Variants in NUDCD3 observed in about 807,000 individuals in gnomAD.
NUDCD3 encodes the protein nudC domain-containing protein 3.
NUDCD3 carries 13 observed loss-of-function variants against 39.7 expected under a neutral mutation model. The ratio of observed to expected loss-of-function variants is 0.33; its 90% CI spans 0.21 to 0.52. The LOEUF is 0.52. Among genes scored for constraint, NUDCD3 ranks in the 20% least tolerant of loss-of-function variants. NUDCD3 has a pLI of 0.96. For synonymous variants in NUDCD3, 175 were observed against 172.4 expected, an observed-to-expected ratio of 1.02 and a Z score of -0.12; for missense variants, 453 against 458.1, an observed-to-expected ratio of 0.99 and a Z score of 0.10.
chr7:44,476,389 T>C (rs1374495572), intron 2 of NUDCD3, among the ~76,000 whole-genome samples: 3 of 152,180 alleles, frequency 2.0e-5, no homozygotes, highest in Admixed American at 1.3e-4. Context: ...GTGGGGCCTT[T>C]GGGAGACGAT....
At chr7:44,424,665 T>C (rs913530671) in intron 3 of NUDCD3, among the ~76,000 whole-genome samples, 1 of 152,148 alleles carries the variant, frequency 6.6e-6, no homozygotes, top group African/African-American at 2.4e-5. Context: ...TGTGGAGAAA[T>C]AGGAACACTT....
At chr7:44,420,358 C>T (rs1184888210) in intron 3 of NUDCD3, among the ~76,000 whole-genome samples, 1 of 152,088 alleles carries the variant, frequency 6.6e-6, no homozygotes, top group African/African-American at 2.4e-5. Context: ...TGTGAAAAGA[C>T]CAAACCTACG....
At chr7:44,462,288 G>C (rs927134479) in intron 2 of NUDCD3, among the ~76,000 whole-genome samples, 6 of 152,194 alleles carry the variant, frequency 3.9e-5, no homozygotes, top group African/African-American at 1.4e-4. Flanking sequence ...AACATTTCAT[G>C]AATTGCTATG....
At position 44,384,617 on chromosome 7, in the gene NUDCD3, A is replaced by T. The variant is rs991669084; in HGVS notation, c.*1394T>A. The T allele has an allele frequency of 2.0e-5, 3 of 152,202 alleles. No individual in the cohort carries two copies. The highest frequency in any genetic ancestry group is 6.5e-5 in the Admixed American group (1 of 15,286). 9.4% of individuals were successfully genotyped at this position (152,202 alleles called of 1,614,324 possible). ...CCCCACAACCCAAGTATCCATAGAG[A>T]GTGTGCAGGAGCGGGGACCTTCCCC... is the stretch of plus-strand genomic sequence containing the variant. On this transcript the variant is annotated 3_prime_UTR_variant, in exon 6 of 6. Coordinates refer to ENST00000355451, the MANE Select transcript of NUDCD3 (RefSeq NM_015332.4).
At chr7:44,473,757 C>A (rs540819079) in intron 2 of NUDCD3, among the ~76,000 whole-genome samples, 4 of 152,098 alleles carry the variant, frequency 2.6e-5, no homozygotes, top group Non-Finnish European at 4.4e-5. Context: ...GGAAATAGGA[C>A]AAAGGACATG....
chr7:44,386,160 C>T (rs748786352), intron 5 of NUDCD3, 39 bp from the exon 6 acceptor site: 25 of 1,608,076 alleles, frequency 1.6e-5, no homozygotes, highest in Admixed American at 1.2e-4. Flanking sequence ...GGGATCACAA[C>T]GCACTGTGTA....
chr7:44,437,473 T>G (rs1169810266), intron 2 of NUDCD3, among the ~76,000 whole-genome samples: 1 of 152,102 alleles, frequency 6.6e-6, no homozygotes, highest in African/African-American at 2.4e-5. Flanking sequence ...AAGAACCAAT[T>G]TTTGCCTTTT....
intron 2 of NUDCD3, among the ~76,000 whole-genome samples, chr7:44,444,921 T>C (rs1013858588): frequency 2.6e-5 from 4 of 152,216 alleles, no homozygotes; most frequent in African/African-American, 9.6e-5. Context: ...CCTTCCAATA[T>C]GCCCCACTGT....
chr7:44,391,146 G>T (rs1429186076), intron 5 of NUDCD3, among the ~76,000 whole-genome samples: 1 of 151,822 alleles, frequency 6.6e-6, no homozygotes, highest in East Asian at 1.9e-4. Context: ...TATTGTGGGG[G>T]GAAAAAAACA....
chr7:44,463,436 T>C (rs1213079863), intron 2 of NUDCD3, among the ~76,000 whole-genome samples: 3 of 152,080 alleles, frequency 2.0e-5, no homozygotes, highest in African/African-American at 7.2e-5. Context: ...GAGACCAACT[T>C]TGGAAAACTG....
chr7:44,483,104 A>G (rs1232187670), intron 2 of NUDCD3, among the ~76,000 whole-genome samples: 1 of 151,990 alleles, frequency 6.6e-6, no homozygotes, highest in Non-Finnish European at 1.5e-5. Context: ...GTGTGTGCTC[A>G]AAAGTCTCCC....
At chr7:44,397,567 C>T (rs977916986) in intron 4 of NUDCD3, among the ~76,000 whole-genome samples, 2 of 152,108 alleles carry the variant, frequency 1.3e-5, no homozygotes, top group Non-Finnish European at 2.9e-5. Flanking sequence ...TGAATCATGA[C>T]GTTAAGCTTC....
At chr7:44,387,932 GAC>G (rs1585047001) in intron 5 of NUDCD3, among the ~76,000 whole-genome samples, 1 of 152,164 alleles carries the variant, frequency 6.6e-6, no homozygotes, top group Admixed American at 6.5e-5. Flanking sequence ...CCTAGACACA[GAC>G]ACATCTGAGC....
intron 4 of NUDCD3, among the ~76,000 whole-genome samples, chr7:44,403,995 C>T (rs1798772265): frequency 6.6e-6 from 1 of 152,168 alleles, no homozygotes; most frequent in South Asian, 2.1e-4. Context: ...AGCGAGTCTG[C>T]TAACTGGTAA....
intron 4 of NUDCD3, among the ~76,000 whole-genome samples, chr7:44,403,412 T>C (rs927820877): frequency 6.6e-6 from 1 of 152,258 alleles, no homozygotes; most frequent in Non-Finnish European, 1.5e-5. Flanking sequence ...GAGCATGTTG[T>C]CTGTGCCCAG....
At chr7:44,402,562 C>G in intron 4 of NUDCD3, 1 of 445,726 alleles carries the variant, frequency 2.2e-6, no homozygotes, top group Non-Finnish European at 4.6e-6. Flanking sequence ...GCTATGGGCT[C>G]AGAGACCAGT....
intron 2 of NUDCD3, among the ~76,000 whole-genome samples, chr7:44,453,381 A>T (rs1799831517): frequency 2.0e-5 from 3 of 151,730 alleles, no homozygotes; most frequent in Admixed American, 2.0e-4. Context: ...ATAAATAAAT[A>T]AATAATAATA....
intron 2 of NUDCD3, among the ~76,000 whole-genome samples, chr7:44,478,093 A>AAC (rs1800415115): frequency 1.3e-5 from 2 of 152,112 alleles, no homozygotes; most frequent in South Asian, 4.1e-4. Flanking sequence ...CTCGGCCTCT[A>AAC]ACAGTGCTGA....
intron 2 of NUDCD3, among the ~76,000 whole-genome samples, chr7:44,444,185 C>T (rs17711612): frequency 0.13 from 19,552 of 152,194 alleles, 1,665 homozygotes; most frequent in Non-Finnish European, 0.19. Context: ...CCCTGCCCGC[C>T]ACTTTAACCT....
Sources: allele counts gnomAD v4.1 joint callset (sites outside exome capture counted in the v4.1 genomes callset), GRCh38; gene constraint gnomAD v4.1.1; transcripts MANE v1.5; gene names NCBI Gene and HGNC (gene_info 2026-07-23, HGNC 2026-07-21).